SDCCAG8: variants seen among roughly 807,000 people sequenced by gnomAD.
SDCCAG8 encodes the protein SHH signaling and ciliogenesis regulator SDCCAG8, also known as serologically defined colon cancer antigen 8.
SDCCAG8 carries 74 observed loss-of-function variants against 101.8 expected under a neutral mutation model. The ratio of observed to expected loss-of-function variants is 0.73; its 90% CI spans 0.60 to 0.88. The LOEUF (loss-of-function observed/expected upper bound fraction) is 0.88, where lower values mean the gene tolerates loss of function less well. Ranked by LOEUF, SDCCAG8 falls within the 40% of genes least tolerant of loss-of-function variation. SDCCAG8 has a pLI of 0.00. For missense variants in SDCCAG8, 787 were observed against 822.6 expected (o/e 0.96, Z 0.53); for synonymous variants, 281 against 292.9 (o/e 0.96, Z 0.41).
At position 243,499,894 on chromosome 1, in the gene SDCCAG8, C is replaced by CGGTG; in HGVS notation, c.*109_*110insGGTG. 1.9e-6 allele frequency: 2 copies of CGGTG among 1,059,734 alleles called. No homozygotes were observed. Among genetic ancestry groups the CGGTG allele is most frequent in the Non-Finnish European group, 2.9e-6 (2 of 697,692 alleles). 65.6% of individuals were successfully genotyped at this position (1,059,734 alleles called of 1,614,324 possible). On this transcript the variant is annotated 3_prime_UTR_variant, in exon 18 of 18. Coordinates refer to ENST00000366541, the MANE Select transcript of SDCCAG8 (RefSeq NM_006642.5). ...CACGACCTTCCCAGGGTGACACCGC[C>CGGTG]TCAGCCTGCAGTGGGGCTGGTCCTC...
intron 12 of SDCCAG8, among the ~76,000 whole-genome samples, chr1:243,371,697 T>C (rs1397342277): frequency 6.6e-6 from 1 of 152,146 alleles, no homozygotes; most frequent in Non-Finnish European, 1.5e-5. Flanking sequence ...TTTCTACTTA[T>C]AATATCCTTT....
At chr1:243,304,966 G>A (rs770510348) in intron 7 of SDCCAG8, 189 bp downstream of exon 7, 6 of 576,976 alleles carry the variant, frequency 1.0e-5, no homozygotes, top group Non-Finnish European at 1.5e-5. Context: ...TCCAAATCAC[G>A]TTCCCATTTC....
chr1:243,329,251 T>G (rs1434706472), intron 9 of SDCCAG8, among the ~76,000 whole-genome samples: 7 of 152,186 alleles, frequency 4.6e-5, no homozygotes, highest in Non-Finnish European at 8.8e-5. Flanking sequence ...CTCATTGTAT[T>G]TGTTTATTAG....
chr1:243,489,996 C>A (rs1163760630), intron 17 of SDCCAG8, among the ~76,000 whole-genome samples: 3 of 152,224 alleles, frequency 2.0e-5, no homozygotes, highest in Non-Finnish European at 4.4e-5. Context: ...GGTCCGTGGG[C>A]TGACCAAGGC....
chr1:243,340,397 G>T (rs181261765), intron 10 of SDCCAG8, among the ~76,000 whole-genome samples: 3 of 152,334 alleles, frequency 2.0e-5, no homozygotes, highest in Admixed American at 2.0e-4. Flanking sequence ...AACCCTGAAC[G>T]TGGGAAGGGT....
chr1:243,434,511 A>G (rs935029596), intron 16 of SDCCAG8, among the ~76,000 whole-genome samples: 1 of 152,248 alleles, frequency 6.6e-6, no homozygotes, highest in African/African-American at 2.4e-5. Flanking sequence ...ATGTTCCGTT[A>G]TCCCTAGAGT....
chr1:243,354,957 G>A (rs996798927), intron 12 of SDCCAG8, among the ~76,000 whole-genome samples: 2 of 152,172 alleles, frequency 1.3e-5, no homozygotes, highest in Admixed American at 1.3e-4. Flanking sequence ...AGAGATTCCT[G>A]ATCTAACTCT....
intron 4 of SDCCAG8, among the ~76,000 whole-genome samples, chr1:243,276,749 A>T (rs987046703): frequency 2.6e-5 from 4 of 152,206 alleles, no homozygotes; most frequent in African/African-American, 9.6e-5. Context: ...ATCATATAGA[A>T]TAGTTTCACT....
intron 16 of SDCCAG8, among the ~76,000 whole-genome samples, chr1:243,432,069 G>A (rs1410691482): frequency 3.9e-5 from 6 of 152,130 alleles, no homozygotes; most frequent in Non-Finnish European, 8.8e-5. Context: ...TTCTTCAAAA[G>A]CCAATGTTAA....
chr1:243,328,464 A>G (rs113546111), intron 9 of SDCCAG8, among the ~76,000 whole-genome samples: 2 of 151,948 alleles, frequency 1.3e-5, no homozygotes, highest in African/African-American at 4.8e-5. Context: ...TTTTAGTAGG[A>G]CGGGGTTTCA....
intron 16 of SDCCAG8, among the ~76,000 whole-genome samples, chr1:243,479,409 G>A (rs936084518): frequency 2.4e-4 from 36 of 152,290 alleles, no homozygotes; most frequent in African/African-American, 4.1e-4. Context: ...GCAGCTACTC[G>A]GCCGTTATGG....
In SDCCAG8 at chr1:243,489,107, C is replaced by G; in HGVS notation, c.2079C>G (p.Ser693Arg). The G allele has an allele frequency of 6.2e-7, 1 of 1,613,068 alleles. No individual in the cohort carries two copies. The highest frequency in any genetic ancestry group is 8.5e-7 in the Non-Finnish European group (1 of 1,179,986). The change falls in exon 17 of 18, where the codon AGC becomes AGG. Residue 693 changes from serine (S) to arginine (R), a missense_variant. Physicochemically the swap from Ser to Arg is moderately radical, Grantham distance 110 (BLOSUM62 -1). Coordinates refer to ENST00000366541, the MANE Select transcript of SDCCAG8 (RefSeq NM_006642.5). ...KQNQLLLERQ[S>R]LSEEVDRLRT... ...ACCAGCTTCTCCTGGAGAGGCAGAG[C>G]CTGTCGGAAGAGGTGGACCGGCTGC...
rs1334951618 is a variant in SDCCAG8 at position 243,489,100 on chromosome 1, G to A, written c.2072G>A (p.Arg691Lys). ...AAGCAGAACCAGCTTCTCCTGGAGA[G>A]GCAGAGCCTGTCGGAAGAGGTGGAC... The part of the protein sequence containing the change: ...LSKQNQLLLE[R>K]QSLSEEVDRL... The change falls in exon 17 of 18, where the codon AGG (arginine) becomes AAG (lysine). Residue 691 changes from arginine (R) to lysine (K), a missense_variant. Coordinates refer to ENST00000366541, the MANE Select transcript of SDCCAG8 (RefSeq NM_006642.5). 2 of 1,613,208 alleles carry A rather than the reference G, an allele frequency of 1.2e-6. No individual in the cohort carries two copies. The highest frequency in any genetic ancestry group is 3.3e-5 in the Admixed American group (2 of 60,018).
intron 8 of SDCCAG8, among the ~76,000 whole-genome samples, chr1:243,315,489 A>G (rs2073152378): frequency 6.6e-6 from 1 of 152,232 alleles, no homozygotes; most frequent in South Asian, 2.1e-4. Flanking sequence ...CTCTGCTTCC[A>G]TGAATTTTAT....
intron 16 of SDCCAG8, among the ~76,000 whole-genome samples, chr1:243,470,064 C>G (rs1660924138): frequency 6.6e-6 from 1 of 151,602 alleles, no homozygotes; most frequent in Admixed American, 6.6e-5. Flanking sequence ...TAGTTCCACA[C>G]ACAAGAAAAA....
intron 12 of SDCCAG8, among the ~76,000 whole-genome samples, chr1:243,364,017 T>C (rs929737058): frequency 2.6e-5 from 4 of 152,194 alleles, no homozygotes; most frequent in Non-Finnish European, 1.5e-5. Flanking sequence ...AATAGAATTT[T>C]ACAGAAATAT....
chr1:243,294,332 A>G (rs1057015853), intron 6 of SDCCAG8, among the ~76,000 whole-genome samples: 2 of 152,026 alleles, frequency 1.3e-5, no homozygotes, highest in African/African-American at 2.4e-5. Context: ...AGACATTTCC[A>G]TACTATTTTT....
intron 4 of SDCCAG8, among the ~76,000 whole-genome samples, chr1:243,285,669 A>G (rs2069541001): frequency 1.3e-5 from 2 of 152,154 alleles, no homozygotes; most frequent in South Asian, 4.1e-4. Flanking sequence ...TATTCTAATG[A>G]TTGTTGACCT....
intron 9 of SDCCAG8, among the ~76,000 whole-genome samples, chr1:243,327,437 TTTATAATTTTGTAGAAATTAAAATTATAA>T (rs1558300506): frequency 1.7e-4 from 25 of 144,352 alleles, no homozygotes; most frequent in Non-Finnish European, 3.2e-4. Flanking sequence ...AAAATTATAA[TTTATAATTTTGTAGAAATTAAAATTATAA>T]TTATAATTTT....
Sources: allele counts gnomAD v4.1 joint callset (sites outside exome capture counted in the v4.1 genomes callset), GRCh38; gene constraint gnomAD v4.1.1; transcripts MANE v1.5; gene names NCBI Gene and HGNC (gene_info 2026-07-23, HGNC 2026-07-21).